Variants in COL5A3 observed in about 807,000 individuals in gnomAD.
COL5A3 encodes collagen alpha-3(V) chain.
A neutral mutation model predicts 250.0 loss-of-function variants in COL5A3; 172 were observed. The observed-to-expected ratio is 0.69, with a 90% CI of 0.61 to 0.78. COL5A3 has a LOEUF of 0.78. Ranked by LOEUF, COL5A3 falls within the 30% of genes least tolerant of loss-of-function variation. The pLI, the probability that COL5A3 is intolerant of heterozygous loss-of-function variation, is 0.00. For missense variants in COL5A3, 2,340 were observed against 2,334.4 expected, an observed-to-expected ratio of 1.00 and a Z score of -0.05; for synonymous variants, 937 against 900.4, an observed-to-expected ratio of 1.04 and a Z score of -0.73.
Position 9,980,024 on chromosome 19 carries a change from A to T in COL5A3, c.2628T>A (p.Pro876=). Residue 876 remains proline, a synonymous_variant, in exon 36 of 67, where the codon CCT becomes CCA. Transcript: ENST00000264828. ...GEKGLPGLQG[P]PGFPGPKGPP... ...GGCCCTTTGGCCCAGGGAATCCTGG[A>T]GGGCCTTGCAGACCAGGGAGGCCCT... is the stretch of plus-strand genomic sequence containing the variant. The T allele has an allele frequency of 6.3e-7, 1 of 1,591,664 alleles. No homozygotes were observed. The highest frequency in any genetic ancestry group is 1.4e-5 in the African/African-American group (1 of 73,348).
chr19:9,976,785 A>G (rs2145085058), intron 44 of COL5A3, among the ~76,000 whole-genome samples, 174 bp from the exon 45 acceptor site: 1 of 152,282 alleles, frequency 6.6e-6, no homozygotes, highest in South Asian at 2.1e-4. Context: ...AGATGGGATC[A>G]GACAGACGTC....
chr19:9,970,447 AGTGGGGT>A (rs2086825632), intron 54 of COL5A3, among the ~76,000 whole-genome samples, 168 bp downstream of exon 54: 4 of 26,528 alleles, frequency 1.5e-4, no homozygotes, highest in Non-Finnish European at 2.0e-4. Context: ...TCTGTGGGTG[AGTGGGGT>A]CTGTGGGTGT....
intron 64 of COL5A3, 96 bp downstream of exon 64, chr19:9,966,218 G>T: frequency 1.1e-6 from 1 of 930,992 alleles, no homozygotes; most frequent in Non-Finnish European, 1.7e-6. Context: ...AATGCCGGTT[G>T]AAGGAAGGAT....
chr19:9,968,293 C>T lies in COL5A3; in HGVS notation c.4314+92G>A, dbSNP rs551676954. The T allele has an allele frequency of 5.1e-6, 6 of 1,167,790 alleles. No individual in the cohort carries two copies. The highest frequency in any genetic ancestry group is 6.2e-6 in the Non-Finnish European group (5 of 802,742). 72.3% of individuals were successfully genotyped at this position (1,167,790 alleles called of 1,614,324 possible). ...TTTCCCCACACACACCCTCATTAAT[C>T]CAGACCCACGTTTCCCAGACCCCAC... On this transcript the variant is annotated intron_variant, in intron 59 of 66. Coordinates refer to ENST00000264828, the MANE Select transcript of COL5A3 (RefSeq NM_015719.4). This position sits in a 1 kb window ranked among gnomAD's most constrained non-coding sequence, Gnocchi z 4.1.
rs1462641134 is a variant in COL5A3, at chr19:9,993,383, CTCACCATCCT to C, written c.1736_1745del (p.Glu579GlyfsTer37). The C allele has an allele frequency of 6.2e-7, 1 of 1,614,052 alleles. No homozygotes were observed. The highest frequency in any genetic ancestry group is 1.3e-5 in the African/African-American group (1 of 74,928). ...CCTAACTCTCTTCCAAACTTACCCT[CTCACCATCCT>C]CTCCTGGGGGACCGGGTTGCCCCAC... On this transcript the variant is annotated frameshift_variant, in exon 19 of 67. Coordinates refer to ENST00000264828, the MANE Select transcript of COL5A3 (RefSeq NM_015719.4). LOFTEE classifies it high-confidence loss of function.
chr19:9,970,419 G>T (rs376567234), intron 54 of COL5A3, among the ~76,000 whole-genome samples: 138 of 40,370 alleles, frequency 3.4e-3, no homozygotes, highest in African/African-American at 0.011. Flanking sequence ...GTGAGTGGGG[G>T]CTGTAAGGTG....
chr19:9,974,337 T>C lies in COL5A3; in HGVS notation c.3414A>G (p.Arg1138=). 1 of 1,612,468 alleles carries C rather than the reference T, an allele frequency of 6.2e-7. No individual in the cohort carries two copies. The highest frequency in any genetic ancestry group is 8.5e-7 in the Non-Finnish European group (1 of 1,179,278). Residue 1138 remains arginine, a synonymous_variant, in exon 46 of 67, where the codon AGA becomes AGG. Transcript: ENST00000264828. Reference sequence around the variant, plus strand: ...GAGGGCCAATCACCCCCACAAAGCCTCTGACTCCGTCATCTCCTTTCTGCC... The same window carrying C: ...GAGGGCCAATCACCCCCACAAAGCCCCTGACTCCGTCATCTCCTTTCTGCC... The part of the protein sequence containing the change: ...LFGQKGDDGV[R]GFVGVIGPPG...
At chr19:9,970,399 G>A (rs115345148) in intron 54 of COL5A3, among the ~76,000 whole-genome samples, 4,483 of 99,176 alleles carry the variant, frequency 0.045, 228 homozygotes, top group East Asian at 0.074. Flanking sequence ...GGGTGAGTGG[G>A]GTCTGTGGGG....
chr19:10,007,093 A>C (rs1599233657), intron 1 of COL5A3, among the ~76,000 whole-genome samples: 5 of 118,558 alleles, frequency 4.2e-5, no homozygotes, highest in Admixed American at 8.6e-5. Context: ...TTCCCCTCTA[A>C]CCTCCTCCCT....
chr19:9,981,990 T>A, intron 32 of COL5A3, 75 bp downstream of exon 32: 1 of 1,150,806 alleles, frequency 8.7e-7, no homozygotes, highest in Non-Finnish European at 1.3e-6. Flanking sequence ...GGTCCACCCA[T>A]CATCAGACAC....
In COL5A3 at chr19:9,978,610, C is replaced by T. The variant is rs1309049723; in HGVS notation, c.2982G>A (p.Lys994=). The T allele has an allele frequency of 4.4e-6, 7 of 1,574,496 alleles. No individual in the cohort carries two copies. In the African/African-American group the frequency reaches 9.7e-5, roughly 22 times the overall value. Residue 994 remains lysine, a synonymous_variant, in exon 41 of 67, where the codon AAG becomes AAA. Transcript: ENST00000264828. ...GPGDPGPTGL[K]GDKGPPGPVG... ...CGGGCCCTGGGGGGCCCTTATCACC[C>T]TTTAAGCCAGTAGGTCCCTGAAGGA...
chr19:9,996,501 C>G lies in COL5A3; in HGVS notation c.1354G>C (p.Gly452Arg), dbSNP rs377502431. The G allele has an allele frequency of 6.2e-7, 1 of 1,614,000 alleles. No individual in the cohort carries two copies. Among genetic ancestry groups the G allele is most frequent in the Non-Finnish European group, 8.5e-7 (1 of 1,180,010 alleles). ...GAGACTGGGGGGCCTTTAAAGGAGCCGCCTGCAAACTGGAACTGGGAGGAA... is the reference window on the plus strand; with the variant it reads ...GAGACTGGGGGGCCTTTAAAGGAGCGGCCTGCAAACTGGAACTGGGAGGAA... Reference protein sequence around the residue: ...VIMMPFQFAGGSFKGPPVSFQ... With the variant: ...VIMMPFQFAGRSFKGPPVSFQ... Residue 452 changes from glycine (G) to arginine (R), a missense_variant, in exon 13 of 67, where the codon GGC becomes CGC. Physicochemically the swap from Gly to Arg is moderately radical, Grantham distance 125. Transcript: ENST00000264828.
chr19:9,960,643 C>T lies in COL5A3; in HGVS notation c.5091+8G>A, dbSNP rs775943141. The stretch of plus-strand genomic sequence containing the variant: ...CCTCTCTAGCTGGCCACTGCCCCAC[C>T]CTCTTACCCGGCAGCCATCCTGGGG... On this transcript the variant is annotated splice_region_variant and intron_variant, in intron 66 of 66. Transcript: ENST00000264828. The T allele has an allele frequency of 1.9e-6, 3 of 1,613,902 alleles. No individual in the cohort carries two copies. Among genetic ancestry groups the T allele is most frequent in the Admixed American group, 1.7e-5 (1 of 60,020 alleles).
chr19:9,992,145 G>A (rs1174689393), intron 21 of COL5A3, 97 bp from the exon 22 acceptor site: 20 of 1,035,108 alleles, frequency 1.9e-5, no homozygotes, highest in African/African-American at 3.1e-5. Context: ...GAGCAGGGCC[G>A]GGCACTGTGG....
At position 9,967,378 on chromosome 19, in the gene COL5A3, T is replaced by C; in HGVS notation, c.4427A>G (p.Asp1476Gly). Residue 1476 changes from aspartate (D) to glycine (G), a missense_variant, in exon 62 of 67, where the codon GAC becomes GGC. Transcript: ENST00000264828. ...GSPGSMGPRG[D>G]TGPAGPPGPP... ...GCCTGGTGGGCCTGCAGGTCCAGTG[T>C]CTCCACGGGGGCCCATGGACCCCTG... 6.8e-7 allele frequency: 1 copy of C among 1,469,052 alleles called. No individual in the cohort carries two copies. The highest frequency in any genetic ancestry group is 8.9e-7 in the Non-Finnish European group (1 of 1,119,130). The allele number at this position is 1,469,052 out of a possible 1,614,324, so 91.0% of individuals were successfully genotyped here. A position where few individuals can be genotyped will look rare whatever the true frequency, so the allele number is the denominator to read the frequency against.
chr19:9,972,714 T>C (rs949651837), intron 51 of COL5A3, among the ~76,000 whole-genome samples: 19 of 152,126 alleles, frequency 1.2e-4, no homozygotes, highest in African/African-American at 4.3e-4. Flanking sequence ...CGCGTGCCTG[T>C]AGTCCTGGCT....
In COL5A3 at chr19:9,968,706, A is replaced by T. The variant is rs1259942964; in HGVS notation, c.4175T>A (p.Leu1392Gln). Residue 1392 changes from leucine (L) to glutamine (Q), a missense_variant, in exon 58 of 67, where the codon CTG becomes CAG. This residue lies in a region of COL5A3 where 1,179 missense variants were observed against 1,162.6 expected (regional missense o/e 1.01). Transcript: ENST00000264828. This position sits in a 1 kb window ranked among gnomAD's most constrained non-coding sequence, Gnocchi z 4.1. The part of the protein sequence containing the change: ...GPLGPSGLPG[L>Q]KGDTGPKGEK... ...CCCCTTGGGGCCAGTGTCTCCCTTC[A>T]GCCCTGGGAGGCCAGAGGGCCCCTG... 6.2e-7 allele frequency: 1 copy of T among 1,605,052 alleles called. No homozygotes were observed. The highest frequency in any genetic ancestry group is 1.1e-5 in the South Asian group (1 of 89,362).
At chr19:9,977,025 T>C (rs1189880052) in intron 44 of COL5A3, among the ~76,000 whole-genome samples, 1 of 152,124 alleles carries the variant, frequency 6.6e-6, no homozygotes, top group Admixed American at 6.5e-5. Context: ...CAGCTGTCCC[T>C]ATCCTGTCTG....
chr19:9,971,244 C>A lies in COL5A3; in HGVS notation c.3789G>T (p.Leu1263=), dbSNP rs1437566497. 1.9e-6 allele frequency: 3 copies of A among 1,564,238 alleles called. No homozygotes were observed. The highest frequency in any genetic ancestry group is 1.7e-4 in the Middle Eastern group (1 of 5,926). Residue 1263 remains leucine, a synonymous_variant, in exon 52 of 67, where the codon CTG becomes CTT. Transcript: ENST00000264828. Reference sequence around the variant, plus strand: ...CTCCTGGGGGCCCTAGATCTCCGGGCAGCCCCGTGGGGCCCTGGAACACAG... The same window carrying A: ...CTCCTGGGGGCCCTAGATCTCCGGGAAGCCCCGTGGGGCCCTGGAACACAG... ...GAKGSVGPTG[L]PGDLGPPGDP...
Sources: gnomAD v4.1 joint callset for allele counts (sites outside exome capture counted in the v4.1 genomes callset) on GRCh38, gnomAD v4.1.1 for gene constraint, gnomAD v4.1.1 regional missense constraint, Gnocchi (gnomAD v3.1) non-coding constraint, MANE v1.5 for transcripts, NCBI Gene and HGNC (gene_info 2026-07-23, HGNC 2026-07-21) for gene names.